The following RBFOX1 variants were observed in gnomAD, a reference collection of about 807,000 sequenced individuals.
RBFOX1 encodes RNA binding protein fox-1 homolog 1.
In RBFOX1, 8 loss-of-function variants were observed where a neutral mutation model predicts 57.7. The observed-to-expected ratio is 0.14, with a 90% CI of 0.08 to 0.25. The LOEUF (loss-of-function observed/expected upper bound fraction) is 0.25. Ranked by LOEUF, RBFOX1 falls within the 10% of genes least tolerant of loss-of-function variation. RBFOX1 has a pLI of 1.00. For missense variants in RBFOX1, 611 were observed against 548.5 expected (o/e 1.11, Z -1.14); for synonymous variants, 326 against 222.4 (o/e 1.47, Z -4.15).
At chr16:7,024,527 T>C (rs2153680507) in intron 3 of RBFOX1, among the ~76,000 whole-genome samples, 1 of 152,272 alleles carries the variant, frequency 6.6e-6, no homozygotes, top group East Asian at 1.9e-4. Flanking sequence ...CAAAAATTCT[T>C]TGTAGATGTT....
At chr16:6,961,841 G>C (rs1376440355) in intron 3 of RBFOX1, among the ~76,000 whole-genome samples, 1 of 152,146 alleles carries the variant, frequency 6.6e-6, no homozygotes, top group African/African-American at 2.4e-5. Flanking sequence ...GAGCAAACCA[G>C]AAGTCACTTT....
Position 7,446,571 on chromosome 16 carries a change from G to C in RBFOX1, c.28-71576G>C, listed in dbSNP as rs187655712. On this transcript the variant is annotated intron_variant, in intron 4 of 15. Coordinates refer to ENST00000550418, the MANE Select transcript of RBFOX1 (RefSeq NM_018723.4). ...TCTACCATACACTAAGCAGTGAGCA[G>C]ATTTAGGATGACTAGTGTCCTATAG... is the stretch of plus-strand genomic sequence containing the variant. Among the ~76,000 whole-genome samples the C allele has an allele frequency of 1.6e-3, 241 of 152,252 alleles. 1 individual carries two copies. The highest frequency in any genetic ancestry group is 5.7e-3 in the African/African-American group (235 of 41,550).
chr16:7,355,912 C>G (rs1234191097), intron 4 of RBFOX1, among the ~76,000 whole-genome samples: 2 of 152,248 alleles, frequency 1.3e-5, no homozygotes, highest in Non-Finnish European at 2.9e-5. Flanking sequence ...CAAAGGCAAT[C>G]TGCCGGAGGC....
chr16:5,428,419 C>A (rs1013659435), intron 1 of RBFOX1, among the ~76,000 whole-genome samples: 1 of 152,124 alleles, frequency 6.6e-6, no homozygotes, highest in Non-Finnish European at 1.5e-5. Flanking sequence ...CGAGTGGACA[C>A]TAAGTGCCAG....
intron 1 of RBFOX1, among the ~76,000 whole-genome samples, chr16:6,159,088 T>C (rs2096859021): frequency 6.6e-6 from 1 of 152,040 alleles, no homozygotes; most frequent in Non-Finnish European, 1.5e-5. Flanking sequence ...TTTTATTTTT[T>C]ATTTTTGAGA....
At chr16:7,079,212 C>T (rs2058781909) in intron 4 of RBFOX1, among the ~76,000 whole-genome samples, 1 of 152,124 alleles carries the variant, frequency 6.6e-6, no homozygotes, top group South Asian at 2.1e-4. Context: ...CGCGGGACTG[C>T]ATATGTTTAT....
At chr16:7,283,676 C>G (rs374393221) in intron 4 of RBFOX1, among the ~76,000 whole-genome samples, 20 of 152,234 alleles carry the variant, frequency 1.3e-4, no homozygotes, top group African/African-American at 4.8e-4. Flanking sequence ...TAAAATAAGA[C>G]TCTCATATTG....
At chr16:6,974,394 G>A (rs934054510) in intron 3 of RBFOX1, among the ~76,000 whole-genome samples, 1 of 135,490 alleles carries the variant, frequency 7.4e-6, no homozygotes, top group Non-Finnish European at 1.5e-5. Flanking sequence ...GCCCAGGCTG[G>A]AGTGCAATGG....
chr16:7,707,001 TAAG>T (rs2082673586), intron 14 of RBFOX1, among the ~76,000 whole-genome samples: 3 of 152,288 alleles, frequency 2.0e-5, no homozygotes, highest in East Asian at 3.9e-4. Flanking sequence ...CCATTTTTGA[TAAG>T]AAGGACTGAA....
chr16:6,531,237 A>G (rs1819680242), intron 2 of RBFOX1, among the ~76,000 whole-genome samples: 1 of 152,184 alleles, frequency 6.6e-6, no homozygotes, highest in South Asian at 2.1e-4. Flanking sequence ...TGAGACAGCC[A>G]TCAAGTTTGC....
chr16:6,116,510 C>G (rs1468163026), intron 1 of RBFOX1, among the ~76,000 whole-genome samples: 1 of 152,184 alleles, frequency 6.6e-6, no homozygotes, highest in Non-Finnish European at 1.5e-5. Context: ...GATTTTCTTA[C>G]ATGAATATGA....
chr16:7,047,532 A>G (rs2048380337), intron 3 of RBFOX1, among the ~76,000 whole-genome samples: 1 of 151,192 alleles, frequency 6.6e-6, no homozygotes, highest in African/African-American at 2.4e-5. Context: ...GTGGTTGTGG[A>G]TTTCGTTGAT....
Position 7,213,284 on chromosome 16 carries a change from C to T in RBFOX1, c.27+161186C>T, listed in dbSNP as rs1349322644. On this transcript the variant is annotated intron_variant, in intron 4 of 15. Coordinates refer to ENST00000550418, the MANE Select transcript of RBFOX1 (RefSeq NM_018723.4). ...TTCCCCATTCTGGCTGCAACACATTCGCTGAGGTTGCCTTAAAAAATCACG... is the reference window on the plus strand; with the variant it reads ...TTCCCCATTCTGGCTGCAACACATTTGCTGAGGTTGCCTTAAAAAATCACG... Among the ~76,000 whole-genome samples, 4 of 152,130 alleles carry T rather than the reference C, an allele frequency of 2.6e-5. No homozygotes were observed. In the East Asian group the frequency reaches 5.8e-4, roughly 22 times the overall value.
At chr16:5,603,877 G>T (rs1249370478), downstream of RBFOX1, among the ~76,000 whole-genome samples, 7 of 152,192 alleles carry the variant, frequency 4.6e-5, no homozygotes, top group Non-Finnish European at 7.3e-5. Flanking sequence ...ATGCTGTCCA[G>T]CGTAAGAACC....
intron 1 of RBFOX1, among the ~76,000 whole-genome samples, chr16:6,029,086 T>C (rs9930478): frequency 0.16 from 23,993 of 152,170 alleles, 1,972 homozygotes; most frequent in Middle Eastern, 0.2. Context: ...GCTAGTCACT[T>C]CTTATTTTTT....
chr16:5,831,077 G>A (rs11860504), intron 3 of RBFOX1, among the ~76,000 whole-genome samples: 108,343 of 152,036 alleles, frequency 0.71, 38,779 homozygotes, highest in African/African-American at 0.77. Context: ...AGGGATACGA[G>A]CATCTTTAAC....
chr16:7,257,433 T>A (rs1455842864), intron 4 of RBFOX1, among the ~76,000 whole-genome samples: 1 of 152,116 alleles, frequency 6.6e-6, no homozygotes, highest in Non-Finnish European at 1.5e-5. Flanking sequence ...ATGTACTGAT[T>A]GCAAACTGAA....
In RBFOX1 at chr16:6,450,809, A is replaced by G. The variant is rs1453675307; in HGVS notation, c.-64+133752A>G. Reference sequence around the variant, plus strand: ...TATATACATATATATATGTATATATATATATATACATATATATATATATAT... The same window carrying G: ...TATATACATATATATATGTATATATGTATATATACATATATATATATATAT... On this transcript the variant is annotated intron_variant, in intron 2 of 15. Coordinates refer to ENST00000550418, the MANE Select transcript of RBFOX1 (RefSeq NM_018723.4). 4.0e-3 allele frequency among the ~76,000 whole-genome samples: 67 copies of G among 16,634 alleles called. 10 individuals are homozygous for G. The highest frequency in any genetic ancestry group is 0.028 in the African/African-American group (58 of 2,102). The allele number at this position is 16,634 out of a possible 152,430, so 10.9% of individuals were successfully genotyped here. A position where few individuals can be genotyped will look rare whatever the true frequency, so the allele number is the denominator to read the frequency against.
intron 3 of RBFOX1, among the ~76,000 whole-genome samples, chr16:6,756,999 C>G (rs1056575116): frequency 1.4e-5 from 2 of 144,242 alleles, no homozygotes; most frequent in African/African-American, 5.1e-5. Context: ...AACAAACAAA[C>G]AAACAAACAA....
Sources: allele counts gnomAD v4.1 joint callset (sites outside exome capture counted in the v4.1 genomes callset), GRCh38; gene constraint gnomAD v4.1.1; transcripts MANE v1.5; gene names NCBI Gene and HGNC (gene_info 2026-07-23, HGNC 2026-07-21).